IGSF10: variants seen among roughly 807,000 people sequenced by gnomAD.
IGSF10 encodes the protein immunoglobulin superfamily member 10, also known as calvaria mechanical force protein 608.
In IGSF10, 126 loss-of-function variants were observed where a neutral mutation model predicts 128.2. That is an observed-to-expected ratio of 0.98 (90% CI 0.85 to 1.14). The LOEUF (loss-of-function observed/expected upper bound fraction) is 1.14. Among genes scored for constraint, IGSF10 ranks in the 50% most tolerant of loss-of-function variants. The pLI is 0.00. For synonymous variants in IGSF10, 1,185 were observed against 1,146.2 expected (o/e 1.03, Z -0.68); for missense variants, 3,295 against 3,149.8 (o/e 1.05, Z -1.10).
chr3:151,584,396 G>T, the IGSF10 span, among the ~76,000 whole-genome samples: 12,895 of 152,158 alleles, frequency 0.085, 755 homozygotes, highest in Non-Finnish European at 0.13. Flanking sequence ...TAGACCATTT[G>T]CATTTTAATA....
the IGSF10 span, among the ~76,000 whole-genome samples, chr3:151,512,359 A>T: frequency 6.6e-6 from 1 of 152,216 alleles, no homozygotes; most frequent in Admixed American, 6.5e-5. Flanking sequence ...CTCCTGAATG[A>T]CTACTGGGTA....
At chr3:151,489,794 G>A in the IGSF10 span, among the ~76,000 whole-genome samples, 12 of 152,204 alleles carry the variant, frequency 7.9e-5, no homozygotes, top group East Asian at 9.7e-4. Context: ...ACACAGGGAG[G>A]GGAACATCAC....
At chr3:151,537,159 G>T in the IGSF10 span, among the ~76,000 whole-genome samples, 1 of 152,116 alleles carries the variant, frequency 6.6e-6, no homozygotes, top group African/African-American at 2.4e-5. Context: ...CTAAAGTTGG[G>T]CACATTAGTA....
At chr3:151,555,885 A>C in the IGSF10 span, among the ~76,000 whole-genome samples, 12 of 152,308 alleles carry the variant, frequency 7.9e-5, no homozygotes, top group East Asian at 2.3e-3. Context: ...TGCAAATAAA[A>C]AACATCTCAA....
chr3:151,474,650 C>T, the IGSF10 span, among the ~76,000 whole-genome samples: 3 of 152,136 alleles, frequency 2.0e-5, no homozygotes, highest in East Asian at 1.9e-4. Context: ...TAATTTGGTT[C>T]AGTTCATATT....
chr3:151,610,329 A>G, the IGSF10 span, among the ~76,000 whole-genome samples: 1 of 152,210 alleles, frequency 6.6e-6, no homozygotes, highest in Non-Finnish European at 1.5e-5. Flanking sequence ...GCCATCTTAT[A>G]GGCCACCGGT....
intron 4 of IGSF10, among the ~76,000 whole-genome samples, chr3:151,454,524 A>G (rs1362335960): frequency 6.6e-6 from 1 of 152,054 alleles, no homozygotes; most frequent in Non-Finnish European, 1.5e-5. Flanking sequence ...CAGCTGGGTA[A>G]TGGTCCATTA....
At chr3:151,595,274 C>T in the IGSF10 span, among the ~76,000 whole-genome samples, 1 of 151,468 alleles carries the variant, frequency 6.6e-6, no homozygotes, top group Non-Finnish European at 1.5e-5. Context: ...GGGTATATAC[C>T]CAAGGGAAAT....
the IGSF10 span, among the ~76,000 whole-genome samples, chr3:151,525,356 C>CA: frequency 3.3e-5 from 5 of 152,072 alleles, no homozygotes; most frequent in South Asian, 8.3e-4. Context: ...CAGGTAGCCA[C>CA]AAAAAATACT....
the IGSF10 span, among the ~76,000 whole-genome samples, chr3:151,596,893 G>T: frequency 6.6e-6 from 1 of 152,164 alleles, no homozygotes; most frequent in Non-Finnish European, 1.5e-5. Context: ...CTCACAGAAA[G>T]GTAAATGGTA....
At chr3:151,563,192 C>A in the IGSF10 span, among the ~76,000 whole-genome samples, 2 of 152,148 alleles carry the variant, frequency 1.3e-5, no homozygotes, top group East Asian at 1.9e-4. Context: ...TCTCACCCTG[C>A]GGCCCTCTAG....
chr3:151,452,374 G>A (rs551543262), intron 5 of IGSF10, among the ~76,000 whole-genome samples: 5 of 152,214 alleles, frequency 3.3e-5, no homozygotes, highest in African/African-American at 7.2e-5. Flanking sequence ...CCCATACAGT[G>A]TATTACTCTA....
At chr3:151,514,558 G>C in the IGSF10 span, among the ~76,000 whole-genome samples, 4 of 151,980 alleles carry the variant, frequency 2.6e-5, no homozygotes, top group Non-Finnish European at 4.4e-5. Flanking sequence ...TAGGCATGGG[G>C]AAGAACTTCA....
rs560612758 is a variant in IGSF10 at position 151,448,098 on chromosome 3, C to T, written c.1883G>A (p.Gly628Asp). Residue 628 changes from glycine (G) to aspartate (D), a missense_variant, in exon 6 of 8, where the codon GGC becomes GAC. Transcript: ENST00000282466. The stretch of plus-strand genomic sequence containing the variant: ...GGTGACCTGTAATATTCTTAATGTG[C>T]CATTGTTTAGAACTTTCTTGTCTCT... ...SSRDKKVLNN[G>D]TLRILQVTPK... is the part of the protein sequence containing the mutation. 1.8e-5 allele frequency: 29 copies of T among 1,613,934 alleles called. No homozygotes were observed. Among genetic ancestry groups the T allele is most frequent in the Non-Finnish European group, 2.1e-5 (25 of 1,180,004 alleles).
At chr3:151,454,273 C>A (rs1243904505) in intron 4 of IGSF10, among the ~76,000 whole-genome samples, 1 of 152,108 alleles carries the variant, frequency 6.6e-6, no homozygotes, top group Non-Finnish European at 1.5e-5. Flanking sequence ...CCACCTCAGC[C>A]TCCCAAAGTG....
intron 4 of IGSF10, among the ~76,000 whole-genome samples, chr3:151,456,738 G>A (rs1721815015): frequency 6.6e-6 from 1 of 152,148 alleles, no homozygotes; most frequent in African/African-American, 2.4e-5. Flanking sequence ...AGATAAACAT[G>A]ACTAGAAGTG....
chr3:151,443,989 G>A (rs971622722), intron 6 of IGSF10, 105 bp from the exon 7 acceptor site: 24 of 889,596 alleles, frequency 2.7e-5, no homozygotes, highest in Non-Finnish European at 4.0e-5. Context: ...AAATTAAAAT[G>A]AAAGCCCAGC....
the IGSF10 span, among the ~76,000 whole-genome samples, chr3:151,577,944 T>A: frequency 6.6e-6 from 1 of 152,190 alleles, no homozygotes; most frequent in Non-Finnish European, 1.5e-5. Context: ...TCTTTTAATG[T>A]TGCTTTGAAG....
chr3:151,494,077 T>C, the IGSF10 span, among the ~76,000 whole-genome samples: 1 of 151,948 alleles, frequency 6.6e-6, no homozygotes, highest in Non-Finnish European at 1.5e-5. Context: ...GAAGAGAAAA[T>C]AAGAAACATT....
Sources: gnomAD v4.1 joint callset for allele counts (sites outside exome capture counted in the v4.1 genomes callset) on GRCh38, gnomAD v4.1.1 for gene constraint, MANE v1.5 for transcripts, NCBI Gene and HGNC (gene_info 2026-07-23, HGNC 2026-07-21) for gene names.